The following TAFA1 variants were observed in gnomAD, a reference collection of about 807,000 sequenced individuals.
TAFA1 encodes chemokine-like protein TAFA-1.
TAFA1 carries 4 observed loss-of-function variants against 18.5 expected under a neutral mutation model. The ratio of observed to expected loss-of-function variants is 0.22; its 90% CI spans 0.11 to 0.49. TAFA1 has a LOEUF of 0.49. Ranked by LOEUF, TAFA1 falls within the 20% of genes least tolerant of loss-of-function variation. The pLI, the probability that TAFA1 is intolerant of heterozygous loss-of-function variation, is 0.98. For missense variants in TAFA1, 147 were observed against 169.0 expected (o/e 0.87, Z 0.72); for synonymous variants, 56 against 55.2 (o/e 1.01, Z -0.06).
intron 2 of TAFA1, among the ~76,000 whole-genome samples, chr3:68,152,632 A>T (rs923750714): frequency 6.6e-6 from 1 of 152,148 alleles, no homozygotes; most frequent in Non-Finnish European, 1.5e-5. Flanking sequence ...ATACAGCTAG[A>T]TCTAGGTGCT....
intron 3 of TAFA1, among the ~76,000 whole-genome samples, chr3:68,530,599 C>T (rs1025399333): frequency 6.6e-6 from 1 of 152,158 alleles, no homozygotes; most frequent in Non-Finnish European, 1.5e-5. Context: ...ATAAGAGAAG[C>T]TGGTTTTGGT....
intron 3 of TAFA1, among the ~76,000 whole-genome samples, chr3:68,431,396 G>T (rs2071167954): frequency 6.6e-6 from 1 of 151,952 alleles, no homozygotes; most frequent in Non-Finnish European, 1.5e-5. Context: ...CGTTGTTGAG[G>T]ACTGACACTG....
chr3:68,084,265 T>G (rs2064943372), intron 2 of TAFA1, among the ~76,000 whole-genome samples: 1 of 152,218 alleles, frequency 6.6e-6, no homozygotes, highest in African/African-American at 2.4e-5. Context: ...AAAATATATA[T>G]TTAGCACTGG....
At chr3:68,023,968 C>T (rs1244858895) in intron 2 of TAFA1, among the ~76,000 whole-genome samples, 1 of 152,140 alleles carries the variant, frequency 6.6e-6, no homozygotes, top group Non-Finnish European at 1.5e-5. Flanking sequence ...TCCACCTTCT[C>T]ATTTGTGAAT....
intron 2 of TAFA1, among the ~76,000 whole-genome samples, chr3:68,062,243 A>G (rs193243225): frequency 2.0e-5 from 3 of 152,184 alleles, no homozygotes; most frequent in African/African-American, 7.2e-5. Context: ...GCAACAGGGG[A>G]TGGTGAGGAC....
chr3:68,426,589 T>C (rs1353109995), intron 3 of TAFA1, among the ~76,000 whole-genome samples: 1 of 151,772 alleles, frequency 6.6e-6, no homozygotes, highest in Non-Finnish European at 1.5e-5. Context: ...TAGGCAGAGA[T>C]GAAAAGTTTG....
chr3:68,103,911 A>G (rs531647195), intron 2 of TAFA1, among the ~76,000 whole-genome samples: 3 of 152,198 alleles, frequency 2.0e-5, no homozygotes, highest in African/African-American at 7.2e-5. Context: ...CAGAGTTCCT[A>G]CCTATGAAGG....
chr3:68,508,229 A>T (rs1444672628), intron 3 of TAFA1, among the ~76,000 whole-genome samples: 2 of 145,750 alleles, frequency 1.4e-5, no homozygotes, highest in African/African-American at 5.0e-5. Flanking sequence ...GGCCCCACCC[A>T]TATGATCTTT....
intron 2 of TAFA1, among the ~76,000 whole-genome samples, chr3:68,231,959 ATT>A (rs1347257647): frequency 1.3e-5 from 2 of 152,124 alleles, no homozygotes; most frequent in Non-Finnish European, 2.9e-5. Flanking sequence ...AATTGTGCAT[ATT>A]TATAGGATAC....
chr3:68,208,992 TGCCATTTCA>T (rs2066561655), intron 2 of TAFA1, among the ~76,000 whole-genome samples: 4 of 151,932 alleles, frequency 2.6e-5, no homozygotes, highest in African/African-American at 9.7e-5. Flanking sequence ...GAGGAACAAC[TGCCATTTCA>T]TGGATGGGGC....
At chr3:68,069,254 G>C (rs538422161) in intron 2 of TAFA1, among the ~76,000 whole-genome samples, 2 of 152,212 alleles carry the variant, frequency 1.3e-5, no homozygotes, top group East Asian at 3.9e-4. Context: ...GTTCCATGTG[G>C]CTGGGGAGGC....
rs186119396 is a variant in TAFA1, at chr3:68,173,872, G to A, written c.118+167128G>A. Among the ~76,000 whole-genome samples, 5 of 147,896 alleles carry A rather than the reference G, an allele frequency of 3.4e-5. No individual in the cohort carries two copies. In the East Asian group the frequency reaches 1.0e-3, roughly 30 times the overall value. On this transcript the variant is annotated intron_variant, in intron 2 of 4. Coordinates refer to ENST00000478136, the MANE Select transcript of TAFA1 (RefSeq NM_213609.4). ...GCAGTAGAACTGCCACTTAAACAAT[G>A]CTCAAATAACAGGGTTATAGGATAT...
intron 2 of TAFA1, among the ~76,000 whole-genome samples, chr3:68,029,886 G>A (rs1000653991): frequency 6.6e-6 from 1 of 152,090 alleles, no homozygotes; most frequent in African/African-American, 2.4e-5. Context: ...CTAAGCCTCA[G>A]CTGTCAGAAA....
At position 68,364,116 on chromosome 3, in the gene TAFA1, A is replaced by C. The variant is rs576595778; in HGVS notation, c.119-53164A>C. Among the ~76,000 whole-genome samples, 61 of 152,370 alleles carry C rather than the reference A, an allele frequency of 4.0e-4. No homozygotes were observed. In the South Asian group the frequency reaches 5.8e-3, roughly 14 times the overall value. ...CTCTGGGGCTGGGAGGAGTGACAAC[A>C]GAAAGTGAAATCAGAATTAAGTGTA... On this transcript the variant is annotated intron_variant, in intron 2 of 4. Coordinates refer to ENST00000478136, the MANE Select transcript of TAFA1 (RefSeq NM_213609.4).
At chr3:68,006,393 A>G in intron 1 of TAFA1, 1 of 492,704 alleles carries the variant, frequency 2.0e-6, no homozygotes, top group East Asian at 3.2e-5. Context: ...CATTTTGCCA[A>G]TCCTTGGAGT....
intron 2 of TAFA1, among the ~76,000 whole-genome samples, chr3:68,266,356 T>C (rs2067546569): frequency 6.6e-6 from 1 of 152,066 alleles, no homozygotes. Context: ...GGTTGTGAAG[T>C]TGAAGGTTTT....
At chr3:68,056,781 A>G (rs1230430935) in intron 2 of TAFA1, among the ~76,000 whole-genome samples, 2 of 152,174 alleles carry the variant, frequency 1.3e-5, no homozygotes, top group Non-Finnish European at 2.9e-5. Context: ...CTGGCCACGA[A>G]TAGTATGGTT....
intron 2 of TAFA1, among the ~76,000 whole-genome samples, chr3:68,146,101 A>G (rs2065737116): frequency 6.6e-6 from 1 of 152,190 alleles, no homozygotes; most frequent in African/African-American, 2.4e-5. Flanking sequence ...CAAAGTCAGA[A>G]TGATGGAACT....
At chr3:68,538,669 A>G in intron 3 of TAFA1, 87 bp from the exon 4 acceptor site, 3 of 1,376,068 alleles carry the variant, frequency 2.2e-6, no homozygotes, top group Non-Finnish European at 3.1e-6. Context: ...TGCTTCCAAG[A>G]ACGTGAAAAT....
Sources: allele counts gnomAD v4.1 joint callset (sites outside exome capture counted in the v4.1 genomes callset), GRCh38; gene constraint gnomAD v4.1.1; transcripts MANE v1.5; gene names NCBI Gene and HGNC (gene_info 2026-07-23, HGNC 2026-07-21).